The following DSCC1 variants were observed in gnomAD, a reference collection of about 807,000 sequenced individuals.
DSCC1 encodes the protein sister chromatid cohesion protein DCC1.
DSCC1 carries 32 observed loss-of-function variants against 48.2 expected under a neutral mutation model. The observed-to-expected ratio is 0.66, with a 90% confidence interval of 0.50 to 0.89. DSCC1 has a LOEUF of 0.89. DSCC1 is among the 40% of genes least tolerant of loss of function. DSCC1 has a pLI of 0.00. For missense variants in DSCC1, 421 were observed against 471.7 expected (o/e 0.89, Z 1.00); for synonymous variants, 150 against 171.5 (o/e 0.87, Z 0.98).
intron 4 of DSCC1, among the ~76,000 whole-genome samples, 183 bp from the exon 5 acceptor site, chr8:119,843,930 C>T (rs144898679): frequency 0.012 from 1,840 of 152,162 alleles, 19 homozygotes; most frequent in Non-Finnish European, 0.017. Context: ...GCACGCACTA[C>T]CATGCCTGGC....
intron 3 of DSCC1, among the ~76,000 whole-genome samples, chr8:119,850,085 C>T (rs1826922575): frequency 1.3e-5 from 2 of 151,876 alleles, no homozygotes; most frequent in African/African-American, 2.4e-5. Flanking sequence ...ATATAAATGG[C>T]ATTATGATAT....
intron 8 of DSCC1, among the ~76,000 whole-genome samples, chr8:119,836,156 C>T (rs910807748): frequency 1.1e-4 from 16 of 152,214 alleles, no homozygotes; most frequent in Non-Finnish European, 2.1e-4. Flanking sequence ...CTACTAAAAA[C>T]ACAAGAATTA....
At chr8:119,841,291 C>G (rs986085453) in intron 7 of DSCC1, among the ~76,000 whole-genome samples, 2 of 152,142 alleles carry the variant, frequency 1.3e-5, no homozygotes, top group Non-Finnish European at 2.9e-5. Context: ...CGCACTTGGT[C>G]TGACTGGCAT....
At chr8:119,840,236 TAG>T (rs1421721236) in intron 7 of DSCC1, 1 of 152,034 alleles carries the variant, frequency 6.6e-6, no homozygotes, top group Non-Finnish European at 1.5e-5. Flanking sequence ...GCCATCAAAG[TAG>T]AGAGTGGTGA....
At chr8:119,839,244 A>C (rs1826732272) in intron 7 of DSCC1, 2 of 149,006 alleles carry the variant, frequency 1.3e-5, no homozygotes, top group South Asian at 4.1e-4. Context: ...TAATGACTAT[A>C]ATACTTATAT....
At chr8:119,849,558 G>C (rs1051447784) in intron 3 of DSCC1, among the ~76,000 whole-genome samples, 18 of 152,200 alleles carry the variant, frequency 1.2e-4, no homozygotes, top group African/African-American at 1.7e-4. Context: ...TATATAGACA[G>C]AAAGTTTATT....
chr8:119,838,335 C>T lies in DSCC1; in HGVS notation c.997G>A (p.Asp333Asn). 1.9e-6 allele frequency: 3 copies of T among 1,610,722 alleles called. No individual in the cohort carries two copies. Among genetic ancestry groups the T allele is most frequent in the South Asian group, 2.2e-5 (2 of 89,692 alleles). ...AGGCTATTAAAACGTTCCTGATTAT[C>T]CTCAGGTAAATCATCTACTTTCAGC... ...FLLKVDDLPEDNQERFNSLFS... is the reference protein window; with the variant it reads ...FLLKVDDLPENNQERFNSLFS... The change falls in exon 8 of 9, where the codon GAT becomes AAT. Residue 333 changes from aspartate (D) to asparagine (N), a missense_variant. Asp to Asn is a conservative substitution (Grantham distance 23). Coordinates refer to ENST00000313655, the MANE Select transcript of DSCC1 (RefSeq NM_024094.3).
chr8:119,841,435 G>T (rs1048135434), intron 7 of DSCC1, among the ~76,000 whole-genome samples: 20 of 152,088 alleles, frequency 1.3e-4, no homozygotes, highest in African/African-American at 4.8e-4. Context: ...CTAGGAGAGG[G>T]GTGATGGAAA....
chr8:119,841,476 T>C (rs1017189889), intron 7 of DSCC1, among the ~76,000 whole-genome samples: 4 of 152,078 alleles, frequency 2.6e-5, no homozygotes, highest in Non-Finnish European at 4.4e-5. Flanking sequence ...TGAGATACAC[T>C]GAGTAGGAAG....
intron 8 of DSCC1, among the ~76,000 whole-genome samples, chr8:119,837,163 A>G (rs936041975): frequency 7.2e-5 from 11 of 152,216 alleles, no homozygotes; most frequent in Non-Finnish European, 1.3e-4. Flanking sequence ...TTGTCTTGCA[A>G]GATGGGCAAT....
intron 4 of DSCC1, among the ~76,000 whole-genome samples, chr8:119,846,076 T>TA (rs1164122754): frequency 1.3e-5 from 2 of 149,212 alleles, no homozygotes; most frequent in Non-Finnish European, 3.0e-5. Flanking sequence ...TCACCAGTTA[T>TA]AAAAAATAAA....
intron 2 of DSCC1, 77 bp from the exon 3 acceptor site, chr8:119,850,593 C>A: frequency 2.3e-6 from 3 of 1,302,822 alleles, no homozygotes; most frequent in Admixed American, 2.8e-5. Context: ...ACTAATCAAT[C>A]TGCCCCCTCA....
intron 4 of DSCC1, among the ~76,000 whole-genome samples, chr8:119,845,014 TC>T (rs1469576286): frequency 6.6e-6 from 1 of 152,070 alleles, no homozygotes; most frequent in Non-Finnish European, 1.5e-5. Flanking sequence ...TTCATAAAGA[TC>T]CCTTTCCTAT....
chr8:119,853,309 C>G, intron 1 of DSCC1, 94 bp from the exon 2 acceptor site: 1 of 1,292,328 alleles, frequency 7.7e-7, no homozygotes, highest in South Asian at 2.1e-5. Context: ...GCTTGCAGAA[C>G]TTAGAATTAA....
At chr8:119,838,005 G>C (rs1384537231) in intron 8 of DSCC1, among the ~76,000 whole-genome samples, 2 of 152,130 alleles carry the variant, frequency 1.3e-5, no homozygotes, top group Non-Finnish European at 2.9e-5. Flanking sequence ...CCCTCAAAGG[G>C]GACAGTTTTC....
intron 5 of DSCC1, 47 bp downstream of exon 5, chr8:119,843,562 C>T: frequency 1.3e-6 from 2 of 1,578,808 alleles, no homozygotes; most frequent in Non-Finnish European, 1.7e-6. Context: ...AAAACAACTC[C>T]CTTCCCCTTA....
At chr8:119,837,671 T>A (rs1021733819) in intron 8 of DSCC1, among the ~76,000 whole-genome samples, 1 of 152,140 alleles carries the variant, frequency 6.6e-6, no homozygotes, top group African/African-American at 2.4e-5. Flanking sequence ...TCTAATCTTT[T>A]TAGCTTTTTG....
At chr8:119,854,164 A>G (rs1402642592) in intron 1 of DSCC1, among the ~76,000 whole-genome samples, 1 of 152,132 alleles carries the variant, frequency 6.6e-6, no homozygotes, top group Admixed American at 6.5e-5. Flanking sequence ...TCATGCAGAG[A>G]GCCGTGATTG....
intron 1 of DSCC1, among the ~76,000 whole-genome samples, chr8:119,855,163 G>A (rs1474267713): frequency 6.6e-6 from 1 of 152,180 alleles, no homozygotes; most frequent in African/African-American, 2.4e-5. Flanking sequence ...TTCGGGGTGG[G>A]TAGGGGTCTC....
Sources: gnomAD v4.1 joint callset for allele counts (sites outside exome capture counted in the v4.1 genomes callset) on GRCh38, gnomAD v4.1.1 for gene constraint, MANE v1.5 for transcripts, NCBI Gene and HGNC (gene_info 2026-07-23, HGNC 2026-07-21) for gene names.